The following BTN2A2 variants were observed in gnomAD, a reference collection of about 807,000 sequenced individuals.
BTN2A2 encodes the protein butyrophilin subfamily 2 member A2.
BTN2A2 carries 29 observed loss-of-function variants against 34.7 expected under a neutral mutation model. The observed-to-expected ratio is 0.84, with a 90% CI of 0.62 to 1.14. The LOEUF (loss-of-function observed/expected upper bound fraction) is 1.14. Ranked by LOEUF, BTN2A2 falls within the 50% of genes most tolerant of loss-of-function variation. The pLI, the probability that BTN2A2 is intolerant of heterozygous loss-of-function variation, is 0.00. For missense variants in BTN2A2, 612 were observed against 651.5 expected (o/e 0.94, Z 0.66); for synonymous variants, 240 against 253.1 (o/e 0.95, Z 0.49).
At position 26,383,806 on chromosome 6, in the gene BTN2A2, C is replaced by T. The variant is rs773379940; in HGVS notation, c.-16C>T. The T allele has an allele frequency of 5.0e-6, 8 of 1,613,256 alleles. No homozygotes were observed. The highest frequency in any genetic ancestry group is 6.8e-6 in the Non-Finnish European group (8 of 1,179,240). On this transcript the variant is annotated 5_prime_UTR_variant, in exon 2 of 8. Transcript: ENST00000356709. This position sits in a 1 kb window ranked among gnomAD's most constrained non-coding sequence, Gnocchi z 4.4. ...TGTAACCCTAGGCCTCTGGTCTCTG[C>T]CTGCCCTGGGTGCTCATGGAACCAG...
chr6:26,386,963 C>T (rs1761240761), intron 3 of BTN2A2, among the ~76,000 whole-genome samples: 1 of 152,180 alleles, frequency 6.6e-6, no homozygotes, highest in African/African-American at 2.4e-5. Flanking sequence ...AATTTTCTTT[C>T]TTTAACATAA....
chr6:26,388,400 G>A lies in BTN2A2; in HGVS notation c.724+106G>A. On this transcript the variant is annotated intron_variant, in intron 4 of 7. Transcript: ENST00000356709. ...GCAGCAGTGTGGGTGGAATGGTCCT[G>A]GGCCCTGAGGAGCTGGAGGCTGCAG... 3.0e-6 allele frequency: 4 copies of A among 1,345,764 alleles called. No homozygotes were observed. In the South Asian group the frequency reaches 4.0e-5, roughly 13 times the overall value. The allele number at this position is 1,345,764 out of a possible 1,614,324, so 83.4% of individuals were successfully genotyped here. A position where few individuals can be genotyped will look rare whatever the true frequency, so the allele number is the denominator to read the frequency against.
At position 26,394,181 on chromosome 6, in the gene BTN2A2, A is replaced by G. The variant is rs1761761660; in HGVS notation, c.*1214A>G. On this transcript the variant is annotated 3_prime_UTR_variant, in exon 8 of 8. Transcript: ENST00000356709. ...TCATTATTATTATTGTGAAAATATT[A>G]TTAACACTGGGGACTCCTTAAGAGT... 1 of 606,036 alleles carries G rather than the reference A, an allele frequency of 1.7e-6. No individual in the cohort carries two copies. The highest frequency in any genetic ancestry group is 2.8e-5 in the East Asian group (1 of 35,584). The allele number at this position is 606,036 out of a possible 1,614,324, so 37.5% of individuals were successfully genotyped here. A position where few individuals can be genotyped will look rare whatever the true frequency, so the allele number is the denominator to read the frequency against.
chr6:26,394,400 G>A lies in BTN2A2; in HGVS notation c.*1433G>A, dbSNP rs902506379. ...CCAGAAGAGATTGGCAAGTGAGTCA[G>A]TGGGAAATTCTCTCCTTCTGTTGGC... On this transcript the variant is annotated 3_prime_UTR_variant, in exon 8 of 8. Transcript: ENST00000356709. 9 of 679,582 alleles carry A rather than the reference G, an allele frequency of 1.3e-5. No homozygotes were observed. The highest frequency in any genetic ancestry group is 2.1e-5 in the Non-Finnish European group (8 of 372,214). The allele number at this position is 679,582 out of a possible 1,614,324, so 42.1% of individuals were successfully genotyped here. A position where few individuals can be genotyped will look rare whatever the true frequency, so the allele number is the denominator to read the frequency against.
rs1394659445 is a variant in BTN2A2, at chr6:26,384,304, C to T, written c.94+389C>T. On this transcript the variant is annotated intron_variant, in intron 2 of 7. Coordinates refer to ENST00000356709, the MANE Select transcript of BTN2A2 (RefSeq NM_006995.5). This position sits in a 1 kb window ranked among gnomAD's most constrained non-coding sequence, Gnocchi z 4.0. Reference sequence around the variant, plus strand: ...AGCTGAGAGTACAAGCAAGGGCCACCACACTCGACTAAGTTTTATTTTTTG... The same window carrying T: ...AGCTGAGAGTACAAGCAAGGGCCACTACACTCGACTAAGTTTTATTTTTTG... 6.6e-6 allele frequency among the ~76,000 whole-genome samples: 1 copy of T among 152,094 alleles called. No homozygotes were observed. Among genetic ancestry groups the T allele is most frequent in the Non-Finnish European group, 1.5e-5 (1 of 68,012 alleles).
At position 26,388,187 on chromosome 6, in the gene BTN2A2, T is replaced by C. The variant is rs1241226140; in HGVS notation, c.617T>C (p.Met206Thr). ...ATCGCTGATGCTGACGGCCTCTTCA[T>C]GGTCACCACAGCTGTGATCATCAGA... is the stretch of plus-strand genomic sequence containing the variant. ...VSIADADGLF[M>T]VTTAVIIRDK... Residue 206 changes from methionine (M) to threonine (T), a missense_variant, in exon 4 of 8, where the codon ATG (methionine) becomes ACG (threonine). Physicochemically the swap from Met to Thr is moderately conservative, Grantham distance 81. Coordinates refer to ENST00000356709, the MANE Select transcript of BTN2A2 (RefSeq NM_006995.5). 2 of 1,614,072 alleles carry C rather than the reference T, an allele frequency of 1.2e-6. No homozygotes were observed. Among genetic ancestry groups the C allele is most frequent in the Non-Finnish European group, 1.7e-6 (2 of 1,180,038 alleles).
At chr6:26,389,111 T>C (rs1761406707) in intron 4 of BTN2A2, among the ~76,000 whole-genome samples, 1 of 151,648 alleles carries the variant, frequency 6.6e-6, no homozygotes, top group Non-Finnish European at 1.5e-5. Flanking sequence ...TGAGACTCTG[T>C]CTTAAAAAAG....
chr6:26,387,357 T>TA (rs1761268549), intron 3 of BTN2A2, among the ~76,000 whole-genome samples: 1 of 152,238 alleles, frequency 6.6e-6, no homozygotes, highest in Non-Finnish European at 1.5e-5. Flanking sequence ...CATCACCTCC[T>TA]ATGGAGGTAG....
chr6:26,392,341 G>C, intron 7 of BTN2A2, 34 bp from the exon 8 acceptor site: 1 of 1,614,172 alleles, frequency 6.2e-7, no homozygotes, highest in Non-Finnish European at 8.5e-7. Context: ...GGGTTCCTGA[G>C]ACCCCAGGCA....
rs980895164 is a variant in BTN2A2 at position 26,384,604 on chromosome 6, CTG to C, written c.95-403_95-402del. Among the ~76,000 whole-genome samples, 2 of 152,188 alleles carry C rather than the reference CTG, an allele frequency of 1.3e-5. No homozygotes were observed. Among genetic ancestry groups the C allele is most frequent in the African/African-American group, 2.4e-5 (1 of 41,438 alleles). ...TTTTGAAATTTTAAATCTTTATAAT[CTG>C]TGTGTGTTTTACACTTAGAGTTCAT... On this transcript the variant is annotated intron_variant, in intron 2 of 7. Transcript: ENST00000356709. This position sits in a 1 kb window ranked among gnomAD's most constrained non-coding sequence, Gnocchi z 4.0.
intron 4 of BTN2A2, among the ~76,000 whole-genome samples, chr6:26,388,821 T>C (rs775179177): frequency 6.6e-6 from 1 of 152,250 alleles, no homozygotes; most frequent in Non-Finnish European, 1.5e-5. Context: ...AAGGAGTTCA[T>C]ATTCTAGAGA....
rs1179527421 is a variant in BTN2A2 at position 26,390,674 on chromosome 6, A to G, written c.932-13A>G. On this transcript the variant is annotated splice_polypyrimidine_tract_variant and intron_variant, in intron 5 of 7. Coordinates refer to ENST00000356709, the MANE Select transcript of BTN2A2 (RefSeq NM_006995.5). ...GTTGAAGACATGATTTTGTTTCTGT[A>G]TTTTGTTTTCAGAGCAACTTCAAGA... 1.2e-6 allele frequency: 2 copies of G among 1,614,054 alleles called. No individual in the cohort carries two copies. Among genetic ancestry groups the G allele is most frequent in the Non-Finnish European group, 1.7e-6 (2 of 1,180,020 alleles).
rs1284809107 is a variant in BTN2A2, at chr6:26,388,014, C to A, written c.444C>A (p.Gly148=). Residue 148 remains glycine, a splice_region_variant and synonymous_variant, in exon 4 of 8, where the codon GGC becomes GGA. Transcript: ENST00000356709. ...CTGAGCCCTGGTCTCCCTTTCCAGG[C>A]CTTGGGTCTAAGCCCCTCATTGAAA... is the stretch of plus-strand genomic sequence containing the variant. ...DEAILRLVVA[G]LGSKPLIEIK... is the part of the protein sequence containing the mutation. 63 of 1,609,750 alleles carry A rather than the reference C, an allele frequency of 3.9e-5. No homozygotes were observed. Among genetic ancestry groups the A allele is most frequent in the Non-Finnish European group, 5.1e-5 (60 of 1,176,848 alleles).
At chr6:26,391,922 G>A (rs1186433747) in intron 7 of BTN2A2, 1 of 418,656 alleles carries the variant, frequency 2.4e-6, no homozygotes, top group African/African-American at 2.0e-5. Context: ...ACCTAGGACA[G>A]TGTGTAATGA....
intron 3 of BTN2A2, chr6:26,385,614 G>A (rs949388828): frequency 6.0e-5 from 24 of 397,576 alleles, no homozygotes; most frequent in African/African-American, 3.5e-4. Context: ...GCAGTGGTGC[G>A]ATCTTGGCTC....
At chr6:26,389,981 G>C (rs1395242905) in intron 4 of BTN2A2, 24 bp from the exon 5 acceptor site, 1 of 1,608,486 alleles carries the variant, frequency 6.2e-7, no homozygotes, top group Non-Finnish European at 8.5e-7. Context: ...CAAACTAAAT[G>C]GACTTTTCTG....
Position 26,388,169 on chromosome 6 carries a change from A to G in BTN2A2, c.599A>G (p.Asp200Gly), listed in dbSNP as rs139541725. Residue 200 changes from aspartate to glycine, a missense_variant, in exon 4 of 8, where the codon GAT (aspartate) becomes GGT (glycine). Physicochemically the swap from Asp to Gly is moderately conservative, Grantham distance 94 (BLOSUM62 -1). Coordinates refer to ENST00000356709, the MANE Select transcript of BTN2A2 (RefSeq NM_006995.5). Reference sequence around the variant, plus strand: ...GCCCTGAAGGAGGTTTCCATCGCTGATGCTGACGGCCTCTTCATGGTCACC... The same window carrying G: ...GCCCTGAAGGAGGTTTCCATCGCTGGTGCTGACGGCCTCTTCATGGTCACC... ...VPALKEVSIADADGLFMVTTA... is the reference protein window; with the variant it reads ...VPALKEVSIAGADGLFMVTTA... The G allele has an allele frequency of 1.2e-6, 2 of 1,614,102 alleles. No homozygotes were observed. Among genetic ancestry groups the G allele is most frequent in the African/African-American group, 2.7e-5 (2 of 74,934 alleles).
At chr6:26,389,938 TC>T in intron 4 of BTN2A2, 66 bp from the exon 5 acceptor site, 1 of 1,502,894 alleles carries the variant, frequency 6.7e-7, no homozygotes, top group African/African-American at 1.4e-5. Flanking sequence ...TCAGATGTGC[TC>T]TTAGGGGCAC....
intron 6 of BTN2A2, 38 bp from the exon 7 acceptor site, chr6:26,390,765 A>G (rs778132036): frequency 6.2e-7 from 1 of 1,614,230 alleles, no homozygotes; most frequent in South Asian, 1.1e-5. Context: ...CTTACTTAGC[A>G]GTGTCTCGTG....
Sources: gnomAD v4.1 joint callset for allele counts (sites outside exome capture counted in the v4.1 genomes callset) on GRCh38, gnomAD v4.1.1 for gene constraint, Gnocchi (gnomAD v3.1) non-coding constraint, MANE v1.5 for transcripts, NCBI Gene and HGNC (gene_info 2026-07-23, HGNC 2026-07-21) for gene names.